The following SERGEF variants were observed in gnomAD, a reference collection of about 807,000 sequenced individuals.
The protein encoded by SERGEF is secretion regulating guanine nucleotide exchange factor, also known as secretion-regulating guanine nucleotide exchange factor.
A neutral mutation model predicts 50.0 loss-of-function variants in SERGEF; 51 were observed. The observed-to-expected ratio is 1.02, with a 90% CI of 0.81 to 1.29. The LOEUF is 1.29. Among genes scored for constraint, SERGEF ranks in the 50% most tolerant of loss-of-function variants. SERGEF has a pLI of 0.00. For synonymous variants in SERGEF, 205 were observed against 212.4 expected, an observed-to-expected ratio of 0.97 and a Z score of 0.30; for missense variants, 521 against 557.0, an observed-to-expected ratio of 0.94 and a Z score of 0.65.
Position 18,012,924 on chromosome 11 carries a change from C to A in SERGEF, c.60+27G>T, listed in dbSNP as rs769810062. 55 of 1,523,172 alleles carry A rather than the reference C, an allele frequency of 3.6e-5. No homozygotes were observed. In the South Asian group the frequency reaches 6.3e-4, roughly 17 times the overall value. 94.4% of individuals were successfully genotyped at this position (1,523,172 alleles called of 1,614,324 possible). A position where few individuals can be genotyped will look rare whatever the true frequency, so the allele number is the denominator to read the frequency against. The stretch of plus-strand genomic sequence containing the variant: ...ACATCTCGGCGCCCCTCAGGGCCTG[C>A]ACCGGCCCGGGGGCGGAGTCACGTA... On this transcript the variant is annotated intron_variant, in intron 1 of 10. Transcript: ENST00000265965.
intron 9 of SERGEF, among the ~76,000 whole-genome samples, chr11:17,938,653 G>A (rs932358356): frequency 6.6e-6 from 1 of 152,172 alleles, no homozygotes; most frequent in Non-Finnish European, 1.5e-5. Flanking sequence ...GTCAGTGACT[G>A]AGACATGAGG....
intron 9 of SERGEF, chr11:17,926,814 C>T (rs1335233164): frequency 2.2e-6 from 1 of 456,124 alleles, no homozygotes; most frequent in Non-Finnish European, 4.4e-6. Context: ...TCTAGGAATT[C>T]ATCTCCACAT....
chr11:17,803,583 G>A (rs1199602866), intron 10 of SERGEF, among the ~76,000 whole-genome samples: 6 of 152,160 alleles, frequency 3.9e-5, no homozygotes, highest in Admixed American at 1.3e-4. Flanking sequence ...AAACGAATAT[G>A]TAAAGTGCCC....
intron 10 of SERGEF, among the ~76,000 whole-genome samples, chr11:17,834,922 A>G (rs989841883): frequency 2.0e-5 from 3 of 152,128 alleles, no homozygotes; most frequent in Non-Finnish European, 2.9e-5. Context: ...GCTCCTTGAG[A>G]GCATAGCCTG....
intron 3 of SERGEF, 106 bp from the exon 4 acceptor site, chr11:18,004,641 T>C: frequency 1.4e-6 from 1 of 730,492 alleles, no homozygotes; most frequent in Non-Finnish European, 2.4e-6. Context: ...GGGGAAGTGC[T>C]TCAGTGCATT....
At chr11:17,895,420 T>G (rs551538041) in intron 9 of SERGEF, among the ~76,000 whole-genome samples, 2 of 152,218 alleles carry the variant, frequency 1.3e-5, no homozygotes, top group East Asian at 3.9e-4. Flanking sequence ...TAACCCAGCC[T>G]GACAGACTCT....
At chr11:17,965,095 A>C (rs1158702114) in intron 8 of SERGEF, among the ~76,000 whole-genome samples, 1 of 152,148 alleles carries the variant, frequency 6.6e-6, no homozygotes, top group East Asian at 1.9e-4. Context: ...CTCATCTTGA[A>C]CTGTAATCCC....
Position 17,931,829 on chromosome 11 carries a change from C to T in SERGEF, c.1011+27641G>A, listed in dbSNP as rs571098371. 2.0e-5 allele frequency among the ~76,000 whole-genome samples: 3 copies of T among 152,278 alleles called. No homozygotes were observed. The South Asian group carries it at 6.2e-4, about 32-fold the overall frequency. On this transcript the variant is annotated intron_variant, in intron 9 of 10. Transcript: ENST00000265965. ...ATTCTCAGGCTCCTTCCCAGACCTA[C>T]TGAATCAGAAACTCTGGGAGTGACG...
chr11:17,929,968 T>A (rs2283239), intron 9 of SERGEF, among the ~76,000 whole-genome samples: 2 of 152,084 alleles, frequency 1.3e-5, no homozygotes, highest in East Asian at 3.8e-4. Flanking sequence ...TAGAATATAG[T>A]AGGATTCGAT....
chr11:17,798,331 C>T (rs2133823325), intron 10 of SERGEF, among the ~76,000 whole-genome samples: 1 of 152,362 alleles, frequency 6.6e-6, no homozygotes, highest in South Asian at 2.1e-4. Flanking sequence ...CTCAACCACC[C>T]CCTGGCATCA....
At chr11:17,871,261 C>T (rs1269242939) in intron 10 of SERGEF, among the ~76,000 whole-genome samples, 2 of 151,998 alleles carry the variant, frequency 1.3e-5, no homozygotes, top group African/African-American at 2.4e-5. Flanking sequence ...GAGATAGAGA[C>T]CAACCTGGCT....
intron 9 of SERGEF, among the ~76,000 whole-genome samples, chr11:17,910,628 T>C (rs1851934558): frequency 6.6e-6 from 1 of 152,154 alleles, no homozygotes; most frequent in Non-Finnish European, 1.5e-5. Flanking sequence ...TTGCAAATCA[T>C]ACACCATTCA....
At chr11:17,954,983 G>A (rs1200220582) in intron 9 of SERGEF, among the ~76,000 whole-genome samples, 1 of 152,192 alleles carries the variant, frequency 6.6e-6, no homozygotes, top group Non-Finnish European at 1.5e-5. Context: ...TGTATGTGAA[G>A]GTCATTTTCC....
chr11:17,921,712 G>GTT (rs1353981473), intron 9 of SERGEF, among the ~76,000 whole-genome samples: 1 of 152,198 alleles, frequency 6.6e-6, no homozygotes, highest in Non-Finnish European at 1.5e-5. Context: ...GACAGGGAAA[G>GTT]ATGAGTTCAG....
At chr11:18,001,463 G>A (rs1590245319) in intron 4 of SERGEF, among the ~76,000 whole-genome samples, 1 of 152,144 alleles carries the variant, frequency 6.6e-6, no homozygotes, top group East Asian at 1.9e-4. Context: ...TGTCTGAAAA[G>A]TCCAATAGAA....
intron 9 of SERGEF, among the ~76,000 whole-genome samples, chr11:17,880,033 G>A (rs1332185364): frequency 6.6e-6 from 1 of 152,200 alleles, no homozygotes; most frequent in Non-Finnish European, 1.5e-5. Flanking sequence ...TTCAGCATTA[G>A]AAGCCAATCT....
rs544051784 is a variant in SERGEF at position 17,895,998 on chromosome 11, T to C, written c.1012-17754A>G. 2.0e-5 allele frequency among the ~76,000 whole-genome samples: 3 copies of C among 152,346 alleles called. No individual in the cohort carries two copies. In the East Asian group the frequency reaches 5.8e-4, roughly 29 times the overall value. ...ATTTCACTATTTCTCTTCTATGGGG[T>C]ACCTACATTACTTTCAATAACTTGT... is the stretch of plus-strand genomic sequence containing the variant. On this transcript the variant is annotated intron_variant, in intron 9 of 10. Transcript: ENST00000265965.
rs569118376 is a variant in SERGEF, at chr11:17,995,496, A to G, written c.622+300T>C. On this transcript the variant is annotated intron_variant, in intron 6 of 10. Coordinates refer to ENST00000265965, the MANE Select transcript of SERGEF (RefSeq NM_012139.4). Reference sequence around the variant, plus strand: ...AGGGGTTTGAAGACAATATATAGTCATAGTGAGCCTCTAATCATGTCTTCC... The same window carrying G: ...AGGGGTTTGAAGACAATATATAGTCGTAGTGAGCCTCTAATCATGTCTTCC... Among the ~76,000 whole-genome samples, 47 of 152,342 alleles carry G rather than the reference A, an allele frequency of 3.1e-4. No homozygotes were observed. In the South Asian group the frequency reaches 3.1e-3, roughly 10 times the overall value.
At chr11:17,997,282 C>G (rs1853855222) in intron 5 of SERGEF, among the ~76,000 whole-genome samples, 1 of 152,194 alleles carries the variant, frequency 6.6e-6, no homozygotes, top group African/African-American at 2.4e-5. Flanking sequence ...CCAGTAAAAA[C>G]ATGAAAAGAT....
Sources: gnomAD v4.1 joint callset for allele counts (sites outside exome capture counted in the v4.1 genomes callset) on GRCh38, gnomAD v4.1.1 for gene constraint, MANE v1.5 for transcripts, NCBI Gene and HGNC (gene_info 2026-07-23, HGNC 2026-07-21) for gene names.